The following WWOX variants were observed in gnomAD, a reference collection of about 807,000 sequenced individuals.
The protein encoded by WWOX is WW domain-containing oxidoreductase.
WWOX carries 69 observed loss-of-function variants against 46.2 expected under a neutral mutation model. That is an observed-to-expected ratio of 1.49 (90% CI 1.23 to 1.82). The LOEUF (loss-of-function observed/expected upper bound fraction) is 1.82. WWOX is among the 40% of genes most tolerant of loss of function. WWOX has a pLI of 0.00. For missense variants in WWOX, 919 were observed against 542.6 expected (o/e 1.69, Z -6.89); for synonymous variants, 359 against 202.6 (o/e 1.77, Z -6.56).
intron 8 of WWOX, among the ~76,000 whole-genome samples, chr16:79,052,948 G>A (rs2048196516): frequency 7.5e-6 from 1 of 134,030 alleles, no homozygotes; most frequent in Admixed American, 7.9e-5. Flanking sequence ...GGGACCCTGG[G>A]AGTATGTTTG....
At chr16:78,739,644 C>T (rs966843570) in intron 8 of WWOX, among the ~76,000 whole-genome samples, 1 of 152,114 alleles carries the variant, frequency 6.6e-6, no homozygotes, top group African/African-American at 2.4e-5. Flanking sequence ...AACCTCGTCT[C>T]TACTGAAAAC....
At chr16:78,903,743 G>A (rs1173498623) in intron 8 of WWOX, among the ~76,000 whole-genome samples, 1 of 152,154 alleles carries the variant, frequency 6.6e-6, no homozygotes, top group Non-Finnish European at 1.5e-5. Context: ...CATCCATTAT[G>A]CATAGTACAG....
chr16:78,605,891 C>T (rs535136466), intron 8 of WWOX, among the ~76,000 whole-genome samples: 1 of 152,224 alleles, frequency 6.6e-6, no homozygotes, highest in Admixed American at 6.5e-5. Context: ...AATTAATATG[C>T]AAGTTCAAAT....
intron 8 of WWOX, among the ~76,000 whole-genome samples, chr16:78,535,865 T>C (rs1007212318): frequency 6.6e-6 from 1 of 152,156 alleles, no homozygotes; most frequent in African/African-American, 2.4e-5. Flanking sequence ...GCAAGGGGTT[T>C]AGGCTTTCTT....
At chr16:78,235,417 G>C (rs1239284646) in intron 5 of WWOX, among the ~76,000 whole-genome samples, 1 of 152,258 alleles carries the variant, frequency 6.6e-6, no homozygotes, top group Admixed American at 6.5e-5. Flanking sequence ...CACTCAGGAT[G>C]CTCTTGGGGA....
At chr16:79,011,154 C>T (rs2047298218) in intron 8 of WWOX, among the ~76,000 whole-genome samples, 1 of 151,188 alleles carries the variant, frequency 6.6e-6, no homozygotes, top group Non-Finnish European at 1.5e-5. Flanking sequence ...CACACACACA[C>T]ACACACACAC....
At chr16:78,373,094 C>G (rs911031782) in intron 5 of WWOX, among the ~76,000 whole-genome samples, 1 of 152,048 alleles carries the variant, frequency 6.6e-6, no homozygotes, top group Admixed American at 6.6e-5. Flanking sequence ...CTGGACAATG[C>G]TTTTTTTCAG....
At chr16:79,044,123 A>G (rs2048023615) in intron 8 of WWOX, among the ~76,000 whole-genome samples, 3 of 152,356 alleles carry the variant, frequency 2.0e-5, no homozygotes, top group African/African-American at 7.2e-5. Context: ...AAGCAAAAGA[A>G]AAGGAACACG....
At chr16:78,303,426 C>A (rs963564345) in intron 5 of WWOX, among the ~76,000 whole-genome samples, 1 of 152,154 alleles carries the variant, frequency 6.6e-6, no homozygotes, top group Non-Finnish European at 1.5e-5. Flanking sequence ...AGCTCATGGA[C>A]GTTGCTTTTA....
intron 8 of WWOX, among the ~76,000 whole-genome samples, chr16:78,483,190 T>C (rs12597367): frequency 0.63 from 95,668 of 152,050 alleles, 34,171 homozygotes; most frequent in East Asian, 0.84. Context: ...ATGTAAAAGA[T>C]ACTTTTACCT....
At chr16:78,178,274 G>A (rs1178281928) in intron 5 of WWOX, among the ~76,000 whole-genome samples, 1 of 152,192 alleles carries the variant, frequency 6.6e-6, no homozygotes. Context: ...CAGTTACTAA[G>A]CACTTTTCCT....
intron 8 of WWOX, among the ~76,000 whole-genome samples, chr16:78,468,161 G>C (rs57397584): frequency 2.0e-5 from 3 of 151,868 alleles, no homozygotes; most frequent in Non-Finnish European, 4.4e-5. Flanking sequence ...GATCTTCACT[G>C]CTTTTACTAT....
chr16:78,503,059 T>G (rs1321754534), intron 8 of WWOX, among the ~76,000 whole-genome samples: 1 of 152,234 alleles, frequency 6.6e-6, no homozygotes, highest in East Asian at 1.9e-4. Context: ...ATTTGAGCCT[T>G]CTAACAACAT....
At chr16:78,620,940 C>T in intron 8 of WWOX, among the ~76,000 whole-genome samples, 1 of 152,236 alleles carries the variant, frequency 6.6e-6, no homozygotes, top group East Asian at 1.9e-4. Flanking sequence ...GATTGTGTTT[C>T]TGGAGATTAA....
intron 8 of WWOX, among the ~76,000 whole-genome samples, chr16:79,191,700 T>G (rs892046396): frequency 9.2e-5 from 14 of 152,136 alleles, no homozygotes; most frequent in African/African-American, 3.4e-4. Flanking sequence ...AAAGAATAAA[T>G]ACCACCTACC....
intron 8 of WWOX, among the ~76,000 whole-genome samples, chr16:79,118,037 A>G (rs962013120): frequency 6.6e-6 from 1 of 152,236 alleles, no homozygotes; most frequent in East Asian, 1.9e-4. Context: ...CTTTGCATTC[A>G]CAACTTGCCT....
At chr16:78,439,856 G>A (rs1378412993) in intron 8 of WWOX, among the ~76,000 whole-genome samples, 1 of 152,170 alleles carries the variant, frequency 6.6e-6, no homozygotes, top group Non-Finnish European at 1.5e-5. Flanking sequence ...CTTCTGTGGT[G>A]CCAGCCATTG....
chr16:78,302,839 C>T (rs1181052884), intron 5 of WWOX, among the ~76,000 whole-genome samples: 1 of 152,208 alleles, frequency 6.6e-6, no homozygotes, highest in Non-Finnish European at 1.5e-5. Flanking sequence ...GCTCCCTCAG[C>T]CCCTTTCCTG....
intron 8 of WWOX, among the ~76,000 whole-genome samples, chr16:78,686,259 C>G (rs866701647): frequency 6.6e-6 from 1 of 152,164 alleles, no homozygotes; most frequent in South Asian, 2.1e-4. Flanking sequence ...GGCCTGTAAT[C>G]CCAGGACTTT....
Sources: allele counts gnomAD v4.1 joint callset (sites outside exome capture counted in the v4.1 genomes callset), GRCh38; gene constraint gnomAD v4.1.1; transcripts MANE v1.5; gene names NCBI Gene and HGNC (gene_info 2026-07-23, HGNC 2026-07-21).